Variants in AMPH observed in about 807,000 individuals in gnomAD.
AMPH encodes the protein amphiphysin, also known as amphiphysin (Stiff-Mann syndrome with breast cancer 128kD autoantigen).
AMPH carries 49 observed loss-of-function variants against 99.1 expected under a neutral mutation model. The ratio of observed to expected loss-of-function variants is 0.49; its 90% CI spans 0.39 to 0.63. AMPH has a LOEUF of 0.63. Among genes scored for constraint, AMPH ranks in the 20% least tolerant of loss-of-function variants. The pLI is 0.00. For missense variants in AMPH, 759 were observed against 863.4 expected, an observed-to-expected ratio of 0.88 and a Z score of 1.52; for synonymous variants, 314 against 317.3, an observed-to-expected ratio of 0.99 and a Z score of 0.11.
chr7:38,578,450 T>A (rs1198613148), intron 1 of AMPH, among the ~76,000 whole-genome samples: 2 of 152,214 alleles, frequency 1.3e-5, no homozygotes, highest in South Asian at 2.1e-4. Flanking sequence ...AAAATTTTTT[T>A]TAAATATTGC....
At chr7:38,438,975 T>C (rs114462870) in intron 11 of AMPH, among the ~76,000 whole-genome samples, 1 of 152,218 alleles carries the variant, frequency 6.6e-6, no homozygotes, top group Non-Finnish European at 1.5e-5. Context: ...ATCCCCATGT[T>C]TGGTCAAGGG....
intron 1 of AMPH, among the ~76,000 whole-genome samples, chr7:38,572,033 G>A (rs1485537231): frequency 1.3e-5 from 2 of 151,824 alleles, no homozygotes; most frequent in African/African-American, 4.8e-5. Context: ...AGCCTCCCAA[G>A]TAGCTGGGAT....
chr7:38,483,643 T>C (rs1389318746), intron 5 of AMPH, among the ~76,000 whole-genome samples: 1 of 152,138 alleles, frequency 6.6e-6, no homozygotes, highest in African/African-American at 2.4e-5. Context: ...CCAAAATCTA[T>C]GACTGGGATG....
At chr7:38,402,674 A>T (rs1784874779) in intron 17 of AMPH, among the ~76,000 whole-genome samples, 1 of 152,226 alleles carries the variant, frequency 6.6e-6, no homozygotes, top group South Asian at 2.1e-4. Context: ...TTCAGAAAGG[A>T]ATCCCATACT....
chr7:38,575,378 A>T (rs1792200626), intron 1 of AMPH, among the ~76,000 whole-genome samples: 1 of 152,192 alleles, frequency 6.6e-6, no homozygotes, highest in Non-Finnish European at 1.5e-5. Flanking sequence ...TTCTAAGGGA[A>T]GTCTCCAAAG....
chr7:38,390,677 T>C (rs1784461713), intron 19 of AMPH, among the ~76,000 whole-genome samples: 1 of 152,168 alleles, frequency 6.6e-6, no homozygotes, highest in Non-Finnish European at 1.5e-5. Flanking sequence ...ATTTTTCTGA[T>C]TGGAAAACTG....
intron 12 of AMPH, among the ~76,000 whole-genome samples, chr7:38,435,358 C>T (rs899285324): frequency 3.3e-5 from 5 of 152,116 alleles, no homozygotes; most frequent in Admixed American, 6.5e-5. Flanking sequence ...CTGTGATATA[C>T]CAAGAAGGCT....
At chr7:38,403,703 G>A (rs942959221) in intron 17 of AMPH, among the ~76,000 whole-genome samples, 24 of 152,332 alleles carry the variant, frequency 1.6e-4, no homozygotes, top group African/African-American at 5.5e-4. Flanking sequence ...GTGCCCCTTG[G>A]AACAAAGGAA....
At chr7:38,503,223 T>C (rs1380288687) in intron 3 of AMPH, among the ~76,000 whole-genome samples, 2 of 152,244 alleles carry the variant, frequency 1.3e-5, no homozygotes, top group African/African-American at 4.8e-5. Context: ...CCATGTTTGC[T>C]GATCATCTTC....
intron 14 of AMPH, chr7:38,429,214 T>C (rs1338198094): frequency 1.6e-6 from 2 of 1,288,758 alleles, no homozygotes; most frequent in African/African-American, 3.0e-5. Flanking sequence ...AGCTGCTCCA[T>C]CTCCACACAA....
intron 5 of AMPH, among the ~76,000 whole-genome samples, chr7:38,479,986 T>C (rs992380255): frequency 1.3e-5 from 2 of 152,036 alleles, no homozygotes; most frequent in Admixed American, 1.3e-4. Flanking sequence ...AGTCCAGTTA[T>C]GCCCAGCTAT....
chr7:38,479,269 T>C (rs1788199109), intron 5 of AMPH, among the ~76,000 whole-genome samples: 1 of 151,942 alleles, frequency 6.6e-6, no homozygotes, highest in Non-Finnish European at 1.5e-5. Flanking sequence ...CAGAACACAT[T>C]GGATGATATA....
At chr7:38,555,297 T>C (rs1235306366) in intron 1 of AMPH, among the ~76,000 whole-genome samples, 1 of 151,548 alleles carries the variant, frequency 6.6e-6, no homozygotes, top group African/African-American at 2.4e-5. Flanking sequence ...ACACCTGTAG[T>C]CCCAGCTGTG....
At chr7:38,463,220 G>T in intron 9 of AMPH, 107 bp from the exon 10 acceptor site, 1 of 1,457,774 alleles carries the variant, frequency 6.9e-7, no homozygotes, top group Non-Finnish European at 9.6e-7. Flanking sequence ...GGTACTGTCT[G>T]TTGTCCTGCT....
At chr7:38,585,198 T>A (rs1157359304) in intron 1 of AMPH, among the ~76,000 whole-genome samples, 1 of 152,174 alleles carries the variant, frequency 6.6e-6, no homozygotes, top group East Asian at 1.9e-4. Flanking sequence ...CCACTATTAT[T>A]CCATTTTTAC....
At chr7:38,481,357 G>C (rs950066503) in intron 5 of AMPH, among the ~76,000 whole-genome samples, 2 of 148,748 alleles carry the variant, frequency 1.3e-5, no homozygotes, top group African/African-American at 4.9e-5. Context: ...AGAAAAAGAA[G>C]TTGTTGAGAT....
rs1240130288 is a variant in AMPH at position 38,447,026 on chromosome 7, TTTGTTTG to T, written c.1018-10645_1018-10639del. On this transcript the variant is annotated intron_variant, in intron 11 of 20. Transcript: ENST00000356264. ...TACATTTTGGTTACTATTTTTTTTT[TTTGTTTG>T]TTTGAGACGGAGTTTCACTCTTGTT... is the stretch of plus-strand genomic sequence containing the variant. Among the ~76,000 whole-genome samples, 7 of 150,430 alleles carry T rather than the reference TTTGTTTG, an allele frequency of 4.7e-5. No individual in the cohort carries two copies. The East Asian group carries it at 6.7e-4, about 14-fold the overall frequency.
intron 1 of AMPH, among the ~76,000 whole-genome samples, chr7:38,620,360 G>C (rs371815361): frequency 2.4e-5 from 3 of 122,484 alleles, no homozygotes. Flanking sequence ...GTGTGTGTGT[G>C]TGTCTGTGTG....
At chr7:38,451,265 G>A (rs1787004973) in intron 11 of AMPH, among the ~76,000 whole-genome samples, 1 of 142,596 alleles carries the variant, frequency 7.0e-6, no homozygotes, top group Admixed American at 7.2e-5. Context: ...ATATTTATGT[G>A]TGCATATACA....
Sources: gnomAD v4.1 joint callset for allele counts (sites outside exome capture counted in the v4.1 genomes callset) on GRCh38, gnomAD v4.1.1 for gene constraint, MANE v1.5 for transcripts, NCBI Gene and HGNC (gene_info 2026-07-23, HGNC 2026-07-21) for gene names.